Variants in EMILIN1 observed in about 807,000 individuals in gnomAD.
EMILIN1 encodes EMILIN-1.
EMILIN1 carries 49 observed loss-of-function variants against 82.4 expected under a neutral mutation model. The ratio of observed to expected loss-of-function variants is 0.59; its 90% confidence interval spans 0.47 to 0.75. The LOEUF (loss-of-function observed/expected upper bound fraction) is 0.75, where lower values mean the gene tolerates loss of function less well. Among genes scored for constraint, EMILIN1 ranks in the 30% least tolerant of loss-of-function variants. EMILIN1 has a pLI of 0.00. For missense variants in EMILIN1, 1,313 were observed against 1,366.4 expected, an observed-to-expected ratio of 0.96 and a Z score of 0.62; for synonymous variants, 604 against 602.2, an observed-to-expected ratio of 1.00 and a Z score of -0.04.
Position 27,082,406 on chromosome 2 carries a change from C to G in EMILIN1, c.835C>G (p.Pro279Ala). Residue 279 changes from proline to alanine, a missense_variant, in exon 4 of 8, where the codon CCA (proline) becomes GCA (alanine). By Grantham distance (27) the Pro-to-Ala change is conservative. Transcript: ENST00000380320. Reference protein sequence around the residue: ...SSSGGSRAPAPASAPPGPSEE... With the variant: ...SSSGGSRAPAAASAPPGPSEE... ...CAGTGGGGGCAGCAGGGCCCCAGCC[C>G]CAGCCTCAGCCCCTCCGGGCCCCAG... is the stretch of plus-strand genomic sequence containing the variant. The G allele has an allele frequency of 6.2e-7, 1 of 1,607,452 alleles. No homozygotes were observed. Among genetic ancestry groups the G allele is most frequent in the South Asian group, 1.1e-5 (1 of 90,780 alleles).
chr2:27,079,080 C>A lies in EMILIN1; in HGVS notation c.15C>A (p.Thr5=). The change falls in exon 1 of 8, where the codon ACC becomes ACA. Residue 5 remains threonine (T), a synonymous_variant. Coordinates refer to ENST00000380320, the MANE Select transcript of EMILIN1 (RefSeq NM_007046.4). ...AGCGCCCCGCCATGGCCCCCCGCAC[C>A]CTCTGGAGCTGCTACCTCTGCTGCC... MAPR[T]LWSCYLCCLL... is the part of the protein sequence containing the mutation. 6.3e-7 allele frequency: 1 copy of A among 1,598,054 alleles called. No individual in the cohort carries two copies. The highest frequency in any genetic ancestry group is 8.5e-7 in the Non-Finnish European group (1 of 1,173,488).
rs1439341746 is a variant in EMILIN1 at position 27,084,406 on chromosome 2, T to C, written c.2441-9T>C. ...ATGGCCCTCCTTCAACTCAATTTTG[T>C]CACTGTAGGGCCTGCAGGAGAGGCT... On this transcript the variant is annotated splice_polypyrimidine_tract_variant and intron_variant, in intron 4 of 7. Transcript: ENST00000380320. 6.4e-7 allele frequency: 1 copy of C among 1,557,710 alleles called. No individual in the cohort carries two copies. The highest frequency in any genetic ancestry group is 2.2e-5 in the East Asian group (1 of 44,462).
At position 27,083,235 on chromosome 2, in the gene EMILIN1, AGTTCACACTACG is replaced by A; in HGVS notation, c.1666_1677del (p.Phe556_Arg559del). On this transcript the variant is annotated inframe_deletion, in exon 4 of 8. Transcript: ENST00000380320. Reference sequence around the variant, plus strand: ...GATGCCCAGGATGAGACAGCTGCAGAGTTCACACTACGGCTGAATCTCACTGCGGCCCGGCTA... The same window carrying A: ...GATGCCCAGGATGAGACAGCTGCAGAGCTGAATCTCACTGCGGCCCGGCTA... The A allele has an allele frequency of 6.2e-7, 1 of 1,611,826 alleles. No individual in the cohort carries two copies. The highest frequency in any genetic ancestry group is 8.5e-7 in the Non-Finnish European group (1 of 1,178,752).
intron 3 of EMILIN1, among the ~76,000 whole-genome samples, chr2:27,081,306 G>A (rs1669472971): frequency 6.6e-6 from 1 of 152,178 alleles, no homozygotes; most frequent in Non-Finnish European, 1.5e-5. Context: ...GAGAAGCTTG[G>A]TCCGTGGGGA....
intron 5 of EMILIN1, 94 bp downstream of exon 5, chr2:27,084,625 T>A (rs1669558599): frequency 1.3e-6 from 1 of 753,772 alleles, no homozygotes; most frequent in African/African-American, 1.7e-5. Context: ...CATTCCACTC[T>A]GAACTTGACA....
intron 3 of EMILIN1, among the ~76,000 whole-genome samples, chr2:27,081,455 G>A (rs1158711964): frequency 1.3e-5 from 2 of 152,038 alleles, no homozygotes; most frequent in Non-Finnish European, 1.5e-5. Context: ...GCTGCACACC[G>A]GATGTGCTGT....
rs769045511 is a variant in EMILIN1, at chr2:27,084,004, C to T, written c.2433C>T (p.Asp811=). The change falls in exon 4 of 8, where the codon GAC becomes GAT. Residue 811 remains aspartate, a synonymous_variant. Coordinates refer to ENST00000380320, the MANE Select transcript of EMILIN1 (RefSeq NM_007046.4). ...EDRLHQLSLK[D]LTGPAGEAGP... is the part of the protein sequence containing the mutation. ...GTCTGCACCAGCTCAGCCTGAAGGACCTCACTGGTGAGGGGACAAAAGGCA... is the reference window on the plus strand; with the variant it reads ...GTCTGCACCAGCTCAGCCTGAAGGATCTCACTGGTGAGGGGACAAAAGGCA... 6.7e-7 allele frequency: 1 copy of T among 1,499,720 alleles called. No individual in the cohort carries two copies. The highest frequency in any genetic ancestry group is 2.3e-5 in the Admixed American group (1 of 44,312). The allele number at this position is 1,499,720 out of a possible 1,614,324, so 92.9% of individuals were successfully genotyped here.
Position 27,079,081 on chromosome 2 carries a change from C to G in EMILIN1, c.16C>G (p.Leu6Val), listed in dbSNP as rs768860914. ...GCGCCCCGCCATGGCCCCCCGCACC[C>G]TCTGGAGCTGCTACCTCTGCTGCCT... MAPRTLWSCYLCCLLT... is the reference protein window; with the variant it reads MAPRTVWSCYLCCLLT... The change falls in exon 1 of 8, where the codon CTC becomes GTC. Residue 6 changes from leucine (L) to valine (V), a missense_variant. Transcript: ENST00000380320. 1.9e-6 allele frequency: 3 copies of G among 1,603,224 alleles called. No homozygotes were observed. The South Asian group carries it at 3.3e-5, about 18-fold the overall frequency.
At position 27,080,254 on chromosome 2, in the gene EMILIN1, T is replaced by C. The variant is rs1669450648; in HGVS notation, c.274T>C (p.Cys92Arg). The change falls in exon 2 of 8, where the codon TGT (cysteine) becomes CGT (arginine). Residue 92 changes from cysteine (C) to arginine (R), a missense_variant. By Grantham distance (180) the Cys-to-Arg change is radical. Coordinates refer to ENST00000380320, the MANE Select transcript of EMILIN1 (RefSeq NM_007046.4). ...YQPCAWGQPQCPQSIMYRRFL... is the reference protein window; with the variant it reads ...YQPCAWGQPQRPQSIMYRRFL... ...GCCTTGTGCCTGGGGCCAGCCCCAG[T>C]GTCCCCAAAGCATCATGTGAGTCCC... The C allele has an allele frequency of 6.2e-7, 1 of 1,613,846 alleles. No individual in the cohort carries two copies. Among genetic ancestry groups the C allele is most frequent in the Admixed American group, 1.7e-5 (1 of 60,002 alleles).
intron 3 of EMILIN1, 48 bp downstream of exon 3, chr2:27,081,000 C>G (rs1669464418): frequency 4.3e-6 from 6 of 1,386,662 alleles, no homozygotes; most frequent in Non-Finnish European, 5.9e-6. Flanking sequence ...AATGGTGATC[C>G]AATGCAATGG....
rs572180059 is a variant in EMILIN1 at position 27,086,097 on chromosome 2, G to A, written c.*82G>A. The A allele has an allele frequency of 5.3e-4, 594 of 1,119,324 alleles. No individual in the cohort carries two copies. In the African/African-American group the frequency reaches 8.8e-3, roughly 17 times the overall value. 69.3% of individuals were successfully genotyped at this position (1,119,324 alleles called of 1,614,324 possible). ...CTCCTGGGGTCTCGCCTGAGACGGGGCACCTAGCCCTGGGCGAGCGCCGCA... is the reference window on the plus strand; with the variant it reads ...CTCCTGGGGTCTCGCCTGAGACGGGACACCTAGCCCTGGGCGAGCGCCGCA... On this transcript the variant is annotated 3_prime_UTR_variant, in exon 8 of 8. Transcript: ENST00000380320.
chr2:27,085,008 G>A lies in EMILIN1; in HGVS notation c.2575G>A (p.Gly859Arg). Residue 859 changes from glycine to arginine, a missense_variant and splice_region_variant, in exon 6 of 8, where the codon GGA (glycine) becomes AGA (arginine). Transcript: ENST00000380320. ...TCTCACAGGTCCTCAAGGTGAACAGGGTGAGTGCCTTTCATTTGATTCTGG... is the reference window on the plus strand; with the variant it reads ...TCTCACAGGTCCTCAAGGTGAACAGAGTGAGTGCCTTTCATTTGATTCTGG... Reference protein sequence around the residue: ...IGPPGPQGEQGVEGAPAAPVP... With the variant: ...IGPPGPQGEQRVEGAPAAPVP... 1 of 1,613,966 alleles carries A rather than the reference G, an allele frequency of 6.2e-7. No homozygotes were observed. Among genetic ancestry groups the A allele is most frequent in the Non-Finnish European group, 8.5e-7 (1 of 1,179,818 alleles).
Position 27,086,297 on chromosome 2 carries a change from T to G in EMILIN1, c.*282T>G. 3 of 329,780 alleles carry G rather than the reference T, an allele frequency of 9.1e-6. No individual in the cohort carries two copies. The highest frequency in any genetic ancestry group is 1.1e-5 in the Non-Finnish European group (2 of 182,834). 20.4% of individuals were successfully genotyped at this position (329,780 alleles called of 1,614,324 possible). ...TCCTCGCACCCTCCGCTCCCTCCACTGGCCCTCCAGGTCGATTCCCTGGGC... is the reference window on the plus strand; with the variant it reads ...TCCTCGCACCCTCCGCTCCCTCCACGGGCCCTCCAGGTCGATTCCCTGGGC... On this transcript the variant is annotated 3_prime_UTR_variant, in exon 8 of 8. Coordinates refer to ENST00000380320, the MANE Select transcript of EMILIN1 (RefSeq NM_007046.4).
chr2:27,085,662 C>T lies in EMILIN1; in HGVS notation c.2714-16C>T. 6.3e-7 allele frequency: 1 copy of T among 1,583,638 alleles called. No homozygotes were observed. Among genetic ancestry groups the T allele is most frequent in the African/African-American group, 1.3e-5 (1 of 74,536 alleles). Reference sequence around the variant, plus strand: ...GGAGCTTCCCTGGCCCCCCTGACTGCTATCCTTGTCCCCAGGCGTGTTCAC... The same window carrying T: ...GGAGCTTCCCTGGCCCCCCTGACTGTTATCCTTGTCCCCAGGCGTGTTCAC... On this transcript the variant is annotated splice_polypyrimidine_tract_variant and intron_variant, in intron 7 of 7. Transcript: ENST00000380320.
Position 27,080,966 on chromosome 2 carries a change from C to G in EMILIN1, c.511+14C>G. 1 of 1,544,462 alleles carries G rather than the reference C, an allele frequency of 6.5e-7. No individual in the cohort carries two copies. Among genetic ancestry groups the G allele is most frequent in the African/African-American group, 1.4e-5 (1 of 73,660 alleles). On this transcript the variant is annotated intron_variant, in intron 3 of 7. Coordinates refer to ENST00000380320, the MANE Select transcript of EMILIN1 (RefSeq NM_007046.4). Reference sequence around the variant, plus strand: ...TGGGGGGAGAAGGTGAGTGTGGGAGCTGCTGCGAGGGTGGCAAGTTCCAAA... The same window carrying G: ...TGGGGGGAGAAGGTGAGTGTGGGAGGTGCTGCGAGGGTGGCAAGTTCCAAA...
chr2:27,085,698 G>A lies in EMILIN1; in HGVS notation c.2734G>A (p.Ala912Thr). The A allele has an allele frequency of 4.4e-6, 7 of 1,601,316 alleles. No individual in the cohort carries two copies. The highest frequency in any genetic ancestry group is 2.6e-6 in the Non-Finnish European group (3 of 1,170,436). ...CCCAGGCGTGTTCACAGCGCCACTG[G>A]CTGGACGCTACTTGCTGAGCGCGGT... is the stretch of plus-strand genomic sequence containing the variant. ...PETGVFTAPLAGRYLLSAVLT... is the reference protein window; with the variant it reads ...PETGVFTAPLTGRYLLSAVLT... Residue 912 changes from alanine to threonine, a missense_variant, in exon 8 of 8, where the codon GCT (alanine) becomes ACT (threonine). Coordinates refer to ENST00000380320, the MANE Select transcript of EMILIN1 (RefSeq NM_007046.4).
intron 3 of EMILIN1, among the ~76,000 whole-genome samples, chr2:27,081,644 G>A (rs973015373): frequency 1.3e-5 from 2 of 152,156 alleles, no homozygotes; most frequent in African/African-American, 4.8e-5. Flanking sequence ...CCTCTTGACA[G>A]CCCCATGACA....
chr2:27,083,750 T>G lies in EMILIN1; in HGVS notation c.2179T>G (p.Leu727Val), dbSNP rs757086852. The G allele has an allele frequency of 6.2e-7, 1 of 1,613,304 alleles. No individual in the cohort carries two copies. The highest frequency in any genetic ancestry group is 8.5e-7 in the Non-Finnish European group (1 of 1,179,396). ...AGQCPSLEGR[L>V]GRLEGVCERL... is the part of the protein sequence containing the mutation. ...CCAGTGCCCCAGCTTAGAGGGGCGA[T>G]TGGGCCGTCTTGAGGGTGTCTGTGA... Residue 727 changes from leucine (L) to valine (V), a missense_variant, in exon 4 of 8, where the codon TTG becomes GTG. Leu to Val is a conservative substitution (Grantham distance 32). Coordinates refer to ENST00000380320, the MANE Select transcript of EMILIN1 (RefSeq NM_007046.4).
Position 27,083,823 on chromosome 2 carries a change from T to C in EMILIN1, c.2252T>C (p.Leu751Pro). 6.3e-7 allele frequency: 1 copy of C among 1,598,550 alleles called. No individual in the cohort carries two copies. Among genetic ancestry groups the C allele is most frequent in the Non-Finnish European group, 8.6e-7 (1 of 1,168,284 alleles). ...AGGLQGLREG[L>P]SRHVAGLWAG... ...GGACTGCAGGGCCTGCGCGAGGGCC[T>C]TTCCAGACACGTGGCTGGGCTCTGG... Residue 751 changes from leucine (L) to proline (P), a missense_variant, in exon 4 of 8, where the codon CTT becomes CCT. Leu to Pro is a moderately conservative substitution (Grantham distance 98). Transcript: ENST00000380320.
Sources: gnomAD v4.1 joint callset for allele counts (sites outside exome capture counted in the v4.1 genomes callset) on GRCh38, gnomAD v4.1.1 for gene constraint, MANE v1.5 for transcripts, NCBI Gene and HGNC (gene_info 2026-07-23, HGNC 2026-07-21) for gene names.